SLC9A9: variants seen among roughly 807,000 people sequenced by gnomAD.
SLC9A9 encodes sodium/hydrogen exchanger 9.
A neutral mutation model predicts 77.8 loss-of-function variants in SLC9A9; 62 were observed. The observed-to-expected ratio is 0.80, with a 90% confidence interval of 0.65 to 0.98. SLC9A9 has a LOEUF of 0.98. SLC9A9 is among the 50% of genes least tolerant of loss of function. The pLI is 0.00. For synonymous variants in SLC9A9, 320 were observed against 283.5 expected (o/e 1.13, Z -1.29); for missense variants, 775 against 774.9 (o/e 1.00, Z 0.00).
At chr3:143,271,919 A>G (rs1237638636) in intron 14 of SLC9A9, among the ~76,000 whole-genome samples, 1 of 152,140 alleles carries the variant, frequency 6.6e-6, no homozygotes, top group Non-Finnish European at 1.5e-5. Flanking sequence ...TGCTTGCTAT[A>G]TATTATGTGC....
At chr3:143,729,778 G>A (rs562346852) in intron 4 of SLC9A9, among the ~76,000 whole-genome samples, 8 of 152,070 alleles carry the variant, frequency 5.3e-5, no homozygotes, top group East Asian at 3.9e-4. Context: ...CCTTATTGTC[G>A]TTGTGTCTGC....
At chr3:143,547,080 C>A (rs2036803255) in intron 9 of SLC9A9, among the ~76,000 whole-genome samples, 2 of 152,206 alleles carry the variant, frequency 1.3e-5, no homozygotes, top group Non-Finnish European at 2.9e-5. Context: ...CTTCTTTTGA[C>A]TTCTAGGACG....
intron 14 of SLC9A9, among the ~76,000 whole-genome samples, chr3:143,317,570 G>GATGTAGAT (rs2031256909): frequency 6.6e-6 from 1 of 152,222 alleles, no homozygotes. Flanking sequence ...TCCCCCAGAA[G>GATGTAGAT]ATGTAGATCC....
intron 5 of SLC9A9, among the ~76,000 whole-genome samples, chr3:143,674,424 T>C (rs1424008284): frequency 1.3e-5 from 2 of 152,206 alleles, no homozygotes; most frequent in East Asian, 1.9e-4. Flanking sequence ...CATCCCTAAC[T>C]GTGATCCTTT....
At chr3:143,529,906 G>A (rs915158471) in intron 9 of SLC9A9, among the ~76,000 whole-genome samples, 1 of 152,122 alleles carries the variant, frequency 6.6e-6, no homozygotes, top group African/African-American at 2.4e-5. Flanking sequence ...TTTCAGATGA[G>A]CAGAACAGAA....
At chr3:143,317,750 CAG>C (rs1240034489) in intron 14 of SLC9A9, among the ~76,000 whole-genome samples, 1 of 151,746 alleles carries the variant, frequency 6.6e-6, no homozygotes, top group African/African-American at 2.4e-5. Context: ...TCTTTTGAGA[CAG>C]AGTCTCGCTC....
intron 5 of SLC9A9, among the ~76,000 whole-genome samples, chr3:143,681,026 G>A (rs1238280907): frequency 9.2e-5 from 14 of 152,170 alleles, no homozygotes; most frequent in Non-Finnish European, 1.6e-4. Flanking sequence ...ACAGGTTATC[G>A]CTCTCCACCA....
intron 2 of SLC9A9, among the ~76,000 whole-genome samples, chr3:143,804,840 T>TA (rs1384245552): frequency 2.6e-5 from 4 of 152,200 alleles, no homozygotes; most frequent in African/African-American, 4.8e-5. Context: ...GTAGCCTGTC[T>TA]AATGACTTCT....
chr3:143,344,757 T>C (rs2108467621), intron 14 of SLC9A9, among the ~76,000 whole-genome samples: 1 of 152,306 alleles, frequency 6.6e-6, no homozygotes, highest in Middle Eastern at 3.4e-3. Context: ...AAATGTTTCC[T>C]GGCATGTAAT....
chr3:143,719,097 T>C lies in SLC9A9; in HGVS notation c.534-25790A>G, dbSNP rs114606149. ...GTTCTATAAATTTGTATTTGGTTCTTATAGGACACAACACACACTTACTGA... is the reference window on the plus strand; with the variant it reads ...GTTCTATAAATTTGTATTTGGTTCTCATAGGACACAACACACACTTACTGA... On this transcript the variant is annotated intron_variant, in intron 4 of 15. Transcript: ENST00000316549. Among the ~76,000 whole-genome samples the C allele has an allele frequency of 8.3e-3, 1,266 of 152,334 alleles. 18 individuals carry two copies. Among genetic ancestry groups the C allele is most frequent in the African/African-American group, 0.029 (1,219 of 41,572 alleles).
chr3:143,722,269 C>A (rs1053582782), intron 4 of SLC9A9, among the ~76,000 whole-genome samples: 3 of 151,924 alleles, frequency 2.0e-5, no homozygotes, highest in African/African-American at 7.3e-5. Flanking sequence ...GTCAGGAGAT[C>A]GAGACCATCC....
At chr3:143,677,082 G>C (rs1247913348) in intron 5 of SLC9A9, among the ~76,000 whole-genome samples, 1 of 152,128 alleles carries the variant, frequency 6.6e-6, no homozygotes, top group Non-Finnish European at 1.5e-5. Context: ...TTGCTGAGTT[G>C]AGTCTGTGAT....
At chr3:143,396,719 C>T (rs561765030) in intron 12 of SLC9A9, among the ~76,000 whole-genome samples, 4 of 152,184 alleles carry the variant, frequency 2.6e-5, no homozygotes, top group South Asian at 4.2e-4. Context: ...CTACTCAGGC[C>T]TCCTGAATAA....
At chr3:143,695,501 C>T (rs1272701600) in intron 4 of SLC9A9, among the ~76,000 whole-genome samples, 3 of 152,144 alleles carry the variant, frequency 2.0e-5, no homozygotes, top group African/African-American at 7.2e-5. Flanking sequence ...CATGTCCCTG[C>T]AAGGGACATG....
At chr3:143,829,611 G>A (rs1047307302) in intron 2 of SLC9A9, among the ~76,000 whole-genome samples, 4 of 152,146 alleles carry the variant, frequency 2.6e-5, no homozygotes, top group Non-Finnish European at 4.4e-5. Context: ...TCCATTATAC[G>A]TTGGTCTTAT....
chr3:143,574,217 AC>A (rs754924284), intron 7 of SLC9A9, 24 bp from the exon 8 acceptor site: 7 of 1,577,992 alleles, frequency 4.4e-6, no homozygotes, highest in Non-Finnish European at 6.1e-6. Flanking sequence ...GTTAAGGGAA[AC>A]AACAACAGCT....
At chr3:143,370,697 C>T (rs967353657) in intron 13 of SLC9A9, among the ~76,000 whole-genome samples, 6 of 151,806 alleles carry the variant, frequency 4.0e-5, no homozygotes, top group African/African-American at 1.2e-4. Context: ...AAGAGTCTCA[C>T]GTGTAGATTT....
At chr3:143,642,511 AC>A (rs2038640395) in intron 6 of SLC9A9, among the ~76,000 whole-genome samples, 1 of 152,170 alleles carries the variant, frequency 6.6e-6, no homozygotes, top group South Asian at 2.1e-4. Context: ...AACAAAATAA[AC>A]CTAAAACCTG....
At position 143,587,149 on chromosome 3, in the gene SLC9A9, C is replaced by T. The variant is rs117959422; in HGVS notation, c.756-8426G>A. 3.7e-3 allele frequency among the ~76,000 whole-genome samples: 561 copies of T among 152,278 alleles called. 3 individuals are homozygous for T. Among genetic ancestry groups the T allele is most frequent in the East Asian group, 0.011 (59 of 5,186 alleles). ...TGTATCATGGCTTCCTCGGGAATAA[C>T]GCAATCTCAGGCTGAATTAATTGAT... On this transcript the variant is annotated intron_variant, in intron 6 of 15. Transcript: ENST00000316549.
Sources: gnomAD v4.1 joint callset for allele counts (sites outside exome capture counted in the v4.1 genomes callset) on GRCh38, gnomAD v4.1.1 for gene constraint, MANE v1.5 for transcripts, NCBI Gene and HGNC (gene_info 2026-07-23, HGNC 2026-07-21) for gene names.